FSD1L: variants seen among roughly 807,000 people sequenced by gnomAD.
FSD1L encodes fibronectin type III and SPRY domain containing 1 like, also known as FSD1-like protein.
Under a neutral mutation model 71.6 loss-of-function variants are expected in FSD1L, and 45 were observed. The observed-to-expected ratio is 0.63, with a 90% confidence interval of 0.49 to 0.81. The LOEUF is 0.81. FSD1L is among the 30% of genes least tolerant of loss of function. The pLI is 0.00. For synonymous variants in FSD1L, 197 were observed against 207.2 expected, an observed-to-expected ratio of 0.95 and a Z score of 0.42; for missense variants, 561 against 618.1, an observed-to-expected ratio of 0.91 and a Z score of 0.98.
At chr9:105,442,679 C>T in the FSD1L span, among the ~76,000 whole-genome samples, 2 of 151,462 alleles carry the variant, frequency 1.3e-5, no homozygotes, top group Admixed American at 6.5e-5. Flanking sequence ...CAGAGCCAGA[C>T]CCTGTCTCAA....
chr9:105,478,069 C>A (rs1188074808), intron 5 of FSD1L, among the ~76,000 whole-genome samples: 1 of 152,066 alleles, frequency 6.6e-6, no homozygotes, highest in East Asian at 1.9e-4. Context: ...ATGGTGAAAC[C>A]CCGTCTCTAA....
At chr9:105,543,927 T>C (rs894851604) in intron 13 of FSD1L, among the ~76,000 whole-genome samples, 2 of 152,238 alleles carry the variant, frequency 1.3e-5, no homozygotes, top group African/African-American at 2.4e-5. Flanking sequence ...GCATGACTTA[T>C]AATCCTTTGG....
chr9:105,452,684 T>TGCC (rs1830107205), intron 1 of FSD1L, among the ~76,000 whole-genome samples: 1 of 143,692 alleles, frequency 7.0e-6, no homozygotes, highest in African/African-American at 2.7e-5. Context: ...CCTTCCTTCC[T>TGCC]TCCTTCCTTC....
chr9:105,502,686 G>A (rs1015332840), intron 7 of FSD1L, among the ~76,000 whole-genome samples: 1 of 151,864 alleles, frequency 6.6e-6, no homozygotes, highest in Non-Finnish European at 1.5e-5. Context: ...GATTTAAAAC[G>A]CCGTCTTCTC....
At chr9:105,520,841 A>G (rs1414987797) in intron 10 of FSD1L, 5 of 1,612,100 alleles carry the variant, frequency 3.1e-6, no homozygotes, top group Non-Finnish European at 4.2e-6. Context: ...TTGTCCCCCC[A>G]CAATCAGGAG....
chr9:105,521,212 C>T (rs1293475500), intron 10 of FSD1L: 10 of 1,614,096 alleles, frequency 6.2e-6, no homozygotes, highest in East Asian at 2.2e-5. Flanking sequence ...AAACCACATA[C>T]AGGACCTCAT....
chr9:105,515,258 T>C (rs903390233), intron 10 of FSD1L, among the ~76,000 whole-genome samples: 2 of 152,156 alleles, frequency 1.3e-5, no homozygotes, highest in Non-Finnish European at 2.9e-5. Context: ...GGCACGGCTG[T>C]CTTCTTTCCA....
intron 7 of FSD1L, among the ~76,000 whole-genome samples, chr9:105,492,264 A>G (rs1040158533): frequency 3.3e-5 from 5 of 152,090 alleles, no homozygotes; most frequent in Non-Finnish European, 5.9e-5. Context: ...CATTTCTTCT[A>G]TATTTTCCAG....
chr9:105,466,974 A>G lies in FSD1L; in HGVS notation c.208-1219A>G, dbSNP rs1475137193. Reference sequence around the variant, plus strand: ...TCGTTGCTGAAGATGGGAGCTTAGTAGTAGGCAAAAGGCAACAAGATGCCA... The same window carrying G: ...TCGTTGCTGAAGATGGGAGCTTAGTGGTAGGCAAAAGGCAACAAGATGCCA... On this transcript the variant is annotated intron_variant, in intron 3 of 13. Transcript: ENST00000481272. Among the ~76,000 whole-genome samples the G allele has an allele frequency of 2.6e-5, 4 of 152,214 alleles. No individual in the cohort carries two copies. In the South Asian group the frequency reaches 8.3e-4, roughly 31 times the overall value.
chr9:105,492,370 C>G (rs1247800314), intron 7 of FSD1L, among the ~76,000 whole-genome samples: 3 of 152,012 alleles, frequency 2.0e-5, no homozygotes, highest in Non-Finnish European at 2.9e-5. Context: ...TTTATTGTGT[C>G]TATTTGATTC....
At chr9:105,525,069 A>T (rs1245417938) in intron 10 of FSD1L, 1 of 1,572,234 alleles carries the variant, frequency 6.4e-7, no homozygotes, top group East Asian at 2.2e-5. Context: ...TCTGGAAAAT[A>T]TTCATGGGAT....
intron 12 of FSD1L, among the ~76,000 whole-genome samples, chr9:105,535,622 A>T (rs1024654565): frequency 6.6e-6 from 1 of 152,138 alleles, no homozygotes; most frequent in African/African-American, 2.4e-5. Flanking sequence ...ATGTTTTATT[A>T]CCTACCTCTA....
At position 105,461,511 on chromosome 9, in the gene FSD1L, A is replaced by G. The variant is rs1830695550; in HGVS notation, c.16-9A>G. 1 of 1,492,886 alleles carries G rather than the reference A, an allele frequency of 6.7e-7. No individual in the cohort carries two copies. Among genetic ancestry groups the G allele is most frequent in the African/African-American group, 1.4e-5 (1 of 72,198 alleles). 92.5% of individuals were successfully genotyped at this position (1,492,886 alleles called of 1,614,324 possible). ...TGCTATTGGCTCCTACTGTATTTAT[A>G]TTGGACAGTACTGCTTTAAGGAGAA... On this transcript the variant is annotated splice_polypyrimidine_tract_variant and intron_variant, in intron 1 of 13. Transcript: ENST00000481272.
intron 6 of FSD1L, among the ~76,000 whole-genome samples, chr9:105,481,109 G>T (rs1160294139): frequency 7.0e-6 from 1 of 143,528 alleles, no homozygotes; most frequent in Non-Finnish European, 1.5e-5. Context: ...TAAGTATCCA[G>T]GTGATCTCAG....
At chr9:105,525,549 G>T in intron 10 of FSD1L, 1 of 1,611,666 alleles carries the variant, frequency 6.2e-7, no homozygotes, top group Non-Finnish European at 8.5e-7. Flanking sequence ...ATTGCAGATT[G>T]CTTCTTAGTA....
At chr9:105,465,012 C>T (rs771438914) in intron 3 of FSD1L, among the ~76,000 whole-genome samples, 10 of 151,884 alleles carry the variant, frequency 6.6e-5, no homozygotes, top group African/African-American at 2.2e-4. Flanking sequence ...GGTAAGGGGT[C>T]TACTTGTAGA....
At chr9:105,506,720 G>C (rs1834070999) in intron 8 of FSD1L, 112 bp downstream of exon 8, 1 of 724,130 alleles carries the variant, frequency 1.4e-6, no homozygotes, top group Admixed American at 2.6e-5. Context: ...GTCACACTGA[G>C]TTTTTAGATA....
At chr9:105,474,309 C>T (rs1831658154) in intron 5 of FSD1L, among the ~76,000 whole-genome samples, 1 of 152,116 alleles carries the variant, frequency 6.6e-6, no homozygotes, top group Non-Finnish European at 1.5e-5. Context: ...TTTATGGGAG[C>T]ACCATTGTAT....
At chr9:105,510,500 T>C (rs1439641466) in intron 9 of FSD1L, among the ~76,000 whole-genome samples, 1 of 152,100 alleles carries the variant, frequency 6.6e-6, no homozygotes, top group Non-Finnish European at 1.5e-5. Context: ...AACCAACCAG[T>C]AGAAATTAGG....
Sources: gnomAD v4.1 joint callset for allele counts (sites outside exome capture counted in the v4.1 genomes callset) on GRCh38, gnomAD v4.1.1 for gene constraint, MANE v1.5 for transcripts, NCBI Gene and HGNC (gene_info 2026-07-23, HGNC 2026-07-21) for gene names.